SYCE1L: variants seen among roughly 807,000 people sequenced by gnomAD.
SYCE1L encodes the protein synaptonemal complex central element protein 1-like.
SYCE1L carries 51 observed loss-of-function variants against 39.6 expected under a neutral mutation model. The observed-to-expected ratio is 1.29, with a 90% CI of 1.03 to 1.63. SYCE1L has a LOEUF of 1.63. Among genes scored for constraint, SYCE1L ranks in the 40% most tolerant of loss-of-function variants. The pLI, the probability that SYCE1L is intolerant of heterozygous loss-of-function variation, is 0.00. For missense variants in SYCE1L, 426 were observed against 304.9 expected, an observed-to-expected ratio of 1.40 and a Z score of -2.96; for synonymous variants, 147 against 122.4, an observed-to-expected ratio of 1.20 and a Z score of -1.33.
Position 77,212,308 on chromosome 16 carries a change from G to C in SYCE1L, c.520G>C (p.Glu174Gln), listed in dbSNP as rs2054829392. Residue 174 changes from glutamate (E) to glutamine (Q), a missense_variant, in exon 9 of 11, where the codon GAG becomes CAG. Physicochemically the swap from Glu to Gln is conservative, Grantham distance 29 (BLOSUM62 2). Transcript: ENST00000378644. ...ERRLVRAKLR[E>Q]VERRLHSPPE... The stretch of plus-strand genomic sequence containing the variant: ...GAGGCTGGTGCGCGCCAAGCTGCGG[G>C]AGGTGGAGCGGCGGCTGCACTCGCC... The C allele has an allele frequency of 6.6e-7, 1 of 1,525,846 alleles. No homozygotes were observed. Among genetic ancestry groups the C allele is most frequent in the Non-Finnish European group, 8.8e-7 (1 of 1,137,816 alleles). 94.5% of individuals were successfully genotyped at this position (1,525,846 alleles called of 1,614,324 possible). A position where few individuals can be genotyped will look rare whatever the true frequency, so the allele number is the denominator to read the frequency against.
chr16:77,212,057 C>T, intron 7 of SYCE1L, 73 bp from the exon 8 acceptor site: 2 of 1,469,348 alleles, frequency 1.4e-6, no homozygotes, highest in Non-Finnish European at 1.8e-6. Flanking sequence ...TCGCGAGAAG[C>T]ACAAAAGGGG....
In SYCE1L at chr16:77,208,506, C is replaced by G. The variant is rs756637352; in HGVS notation, c.223C>G (p.Leu75Val). Residue 75 changes from leucine (L) to valine (V), a missense_variant, in exon 4 of 11, where the codon CTC becomes GTC. Leu to Val is a conservative substitution (Grantham distance 32). Coordinates refer to ENST00000378644, the MANE Select transcript of SYCE1L (RefSeq NM_001129979.3). Reference sequence around the variant, plus strand: ...TGAGGAACTGAGAGAGACCCACAGTCTCTGGGAGGCCCTGCATAGGGAATT... The same window carrying G: ...TGAGGAACTGAGAGAGACCCACAGTGTCTGGGAGGCCCTGCATAGGGAATT... ...SSEELRETHS[L>V]WEALHRELDS... is the part of the protein sequence containing the mutation. The G allele has an allele frequency of 3.2e-6, 5 of 1,551,580 alleles. No individual in the cohort carries two copies. The African/African-American group carries it at 6.8e-5, about 21-fold the overall frequency.
At chr16:77,207,548 G>C (rs532584194) in intron 2 of SYCE1L, among the ~76,000 whole-genome samples, 1 of 152,196 alleles carries the variant, frequency 6.6e-6, no homozygotes, top group African/African-American at 2.4e-5. Flanking sequence ...CCAGAGCCCA[G>C]ACTGACAGAG....
intron 2 of SYCE1L, among the ~76,000 whole-genome samples, chr16:77,207,725 C>T (rs970628498): frequency 6.6e-6 from 1 of 152,160 alleles, no homozygotes; most frequent in Non-Finnish European, 1.5e-5. Context: ...TCTCCACTTG[C>T]TCACTAGACC....
intron 1 of SYCE1L, chr16:77,201,582 C>G (rs1163281310): frequency 6.6e-6 from 1 of 152,130 alleles, no homozygotes; most frequent in Non-Finnish European, 1.5e-5. Context: ...AAATGCTCTT[C>G]CACTTCGGCA....
intron 1 of SYCE1L, chr16:77,199,835 C>G (rs1232752660): frequency 4.4e-6 from 1 of 228,166 alleles, no homozygotes; most frequent in East Asian, 1.0e-4. Context: ...CGTGCTGCAG[C>G]CACCCCTTAT....
chr16:77,210,079 A>T (rs1311311191), intron 6 of SYCE1L, among the ~76,000 whole-genome samples: 1 of 152,112 alleles, frequency 6.6e-6, no homozygotes, highest in East Asian at 1.9e-4. Context: ...TCATTTCTCC[A>T]ATCAGCTATC....
At chr16:77,211,835 A>C (rs2054824681) in intron 7 of SYCE1L, among the ~76,000 whole-genome samples, 1 of 152,120 alleles carries the variant, frequency 6.6e-6, no homozygotes, top group Non-Finnish European at 1.5e-5. Flanking sequence ...TGCAGAAGGA[A>C]GGCCCTGGGG....
intron 1 of SYCE1L, among the ~76,000 whole-genome samples, chr16:77,205,057 A>AAG (rs1555502755): frequency 1.1e-5 from 1 of 89,600 alleles, no homozygotes; most frequent in Non-Finnish European, 2.5e-5. Flanking sequence ...AAAAAAAAAA[A>AAG]AAAGAAAAGA....
rs112674196 is a variant in SYCE1L at position 77,199,473 on chromosome 16, C to G, written c.22C>G (p.Leu8Val). The change falls in exon 1 of 11, where the codon CTG (leucine) becomes GTG (valine). Residue 8 changes from leucine (L) to valine (V), a missense_variant. By Grantham distance (32) the Leu-to-Val change is conservative. Transcript: ENST00000378644. Reference sequence around the variant, plus strand: ...GAAAATGGCGGGGAAGCTGAAACCTCTGAATGTGGAGGCGCCAGAAGCTAC... The same window carrying G: ...GAAAATGGCGGGGAAGCTGAAACCTGTGAATGTGGAGGCGCCAGAAGCTAC... MAGKLKP[L>V]NVEAPEATEE... The G allele has an allele frequency of 2.1e-3, 3,242 of 1,551,348 alleles. 55 individuals carry two copies. In the African/African-American group the frequency reaches 0.037, roughly 18 times the overall value.
At chr16:77,206,388 C>G (rs1472544867) in intron 1 of SYCE1L, 53 bp from the exon 2 acceptor site, 8 of 1,508,272 alleles carry the variant, frequency 5.3e-6, no homozygotes, top group Non-Finnish European at 7.2e-6. Flanking sequence ...CCTCCCTTCT[C>G]TCTCCCCTCT....
chr16:77,201,500 G>T (rs1407456010), intron 1 of SYCE1L: 1 of 152,260 alleles, frequency 6.6e-6, no homozygotes, highest in East Asian at 1.9e-4. Context: ...GCCTTTTCCT[G>T]CCTCAGGGAA....
At chr16:77,202,956 A>T (rs2054757272) in intron 1 of SYCE1L, among the ~76,000 whole-genome samples, 1 of 126,632 alleles carries the variant, frequency 7.9e-6, no homozygotes, top group Admixed American at 8.1e-5. Flanking sequence ...CCTTGTTATT[A>T]AAGTAGCTTT....
intron 1 of SYCE1L, among the ~76,000 whole-genome samples, chr16:77,203,591 C>CCTTTT (rs2054762290): frequency 1.2e-5 from 1 of 80,004 alleles, no homozygotes; most frequent in Non-Finnish European, 3.1e-5. Flanking sequence ...CAAGTTACTT[C>CCTTTT]CTTTTTTTTT....
chr16:77,203,447 A>T (rs995492737), intron 1 of SYCE1L, among the ~76,000 whole-genome samples: 2 of 133,298 alleles, frequency 1.5e-5, no homozygotes, highest in African/African-American at 5.4e-5. Flanking sequence ...AAAGAAGGTG[A>T]ACATACCACC....
At position 77,206,477 on chromosome 16, in the gene SYCE1L, C is replaced by T; in HGVS notation, c.98C>T (p.Ala33Val). The T allele has an allele frequency of 6.4e-7, 1 of 1,551,692 alleles. No homozygotes were observed. The highest frequency in any genetic ancestry group is 8.7e-7 in the Non-Finnish European group (1 of 1,147,010). ...TCTTTGAAGACTGAAGACTTGCTGG[C>T]AATGGTGATAAAGCTGCAGAAAGGT... ...AKSLKTEDLL[A>V]MVIKLQKEGS... Residue 33 changes from alanine (A) to valine (V), a missense_variant, in exon 2 of 11, where the codon GCA becomes GTA. Coordinates refer to ENST00000378644, the MANE Select transcript of SYCE1L (RefSeq NM_001129979.3).
In SYCE1L at chr16:77,213,192, C is replaced by A. The variant is rs1267373164; in HGVS notation, c.*261C>A. The A allele has an allele frequency of 5.3e-6, 2 of 378,898 alleles. No individual in the cohort carries two copies. The highest frequency in any genetic ancestry group is 9.4e-6 in the Non-Finnish European group (2 of 213,442). 23.5% of individuals were successfully genotyped at this position (378,898 alleles called of 1,614,324 possible). A position where few individuals can be genotyped will look rare whatever the true frequency, so the allele number is the denominator to read the frequency against. On this transcript the variant is annotated 3_prime_UTR_variant, in exon 11 of 11. Transcript: ENST00000378644. Reference sequence around the variant, plus strand: ...AGTATCCCCCGCCCCACGGCCTCATCTCGAGTTCCCAAACCATCTATGTTG... The same window carrying A: ...AGTATCCCCCGCCCCACGGCCTCATATCGAGTTCCCAAACCATCTATGTTG...
At chr16:77,205,767 G>T (rs1214805285) in intron 1 of SYCE1L, among the ~76,000 whole-genome samples, 1 of 152,128 alleles carries the variant, frequency 6.6e-6, no homozygotes, top group South Asian at 2.1e-4. Flanking sequence ...TTTGGTGGGG[G>T]TTTTTGAGGC....
At chr16:77,201,681 G>A (rs1294955264) in intron 1 of SYCE1L, 1 of 152,188 alleles carries the variant, frequency 6.6e-6, no homozygotes, top group Non-Finnish European at 1.5e-5. Flanking sequence ...AACACAAGAA[G>A]TAGTCACAGA....
Sources: allele counts gnomAD v4.1 joint callset (sites outside exome capture counted in the v4.1 genomes callset), GRCh38; gene constraint gnomAD v4.1.1; transcripts MANE v1.5; gene names NCBI Gene and HGNC (gene_info 2026-07-23, HGNC 2026-07-21).